The following INTS13 variants were observed in gnomAD, a reference collection of about 807,000 sequenced individuals.
INTS13 encodes integrator complex subunit 13, also known as asunder, spermatogenesis regulator homolog (Drosphila).
Under a neutral mutation model 90.2 loss-of-function variants are expected in INTS13, and 35 were observed. The observed-to-expected ratio is 0.39, with a 90% CI of 0.30 to 0.51. The LOEUF (loss-of-function observed/expected upper bound fraction) is 0.51, where lower values mean the gene tolerates loss of function less well. Ranked by LOEUF, INTS13 falls within the 20% of genes least tolerant of loss-of-function variation. The pLI is 0.80. For synonymous variants in INTS13, 309 were observed against 277.1 expected (o/e 1.11, Z -1.14); for missense variants, 601 against 851.2 (o/e 0.71, Z 3.66).
intron 16 of INTS13, among the ~76,000 whole-genome samples, 197 bp downstream of exon 16, chr12:26,906,105 T>G (rs1951599947): frequency 6.6e-6 from 1 of 152,164 alleles, no homozygotes; most frequent in Non-Finnish European, 1.5e-5. Context: ...GAGTAAATAC[T>G]TTCAGGGTTA....
intron 8 of INTS13, among the ~76,000 whole-genome samples, chr12:26,919,945 G>A (rs1042518690): frequency 1.7e-4 from 26 of 152,144 alleles, no homozygotes; most frequent in Non-Finnish European, 2.6e-4. Flanking sequence ...TGGCTAACAC[G>A]GTGAAACCCC....
upstream of INTS13, chr12:26,937,993 G>C (rs1451437725): frequency 6.9e-6 from 1 of 144,998 alleles, no homozygotes; most frequent in Non-Finnish European, 1.5e-5. Context: ...GCGCGCGTGC[G>C]CGTGCACACA....
intron 8 of INTS13, among the ~76,000 whole-genome samples, chr12:26,920,691 C>A (rs1952091715): frequency 6.6e-6 from 1 of 152,088 alleles, no homozygotes; most frequent in East Asian, 1.9e-4. Flanking sequence ...CTGCGCCTGG[C>A]CCATTTTTGT....
chr12:26,927,672 G>A (rs1352927308), intron 5 of INTS13, among the ~76,000 whole-genome samples: 2 of 152,034 alleles, frequency 1.3e-5, no homozygotes, highest in South Asian at 2.1e-4. Flanking sequence ...CTGGAGTGTA[G>A]TGGCACAGTC....
chr12:26,931,139 T>TAAA (rs201302152), intron 3 of INTS13, among the ~76,000 whole-genome samples: 1 of 145,008 alleles, frequency 6.9e-6, no homozygotes, highest in Non-Finnish European at 1.5e-5. Flanking sequence ...AAAATTAAAT[T>TAAA]AAAAAAAAAA....
chr12:26,928,068 T>G, intron 5 of INTS13, 137 bp downstream of exon 5: 1 of 531,516 alleles, frequency 1.9e-6, no homozygotes, highest in Non-Finnish European at 3.2e-6. Context: ...AAGTTTCTGA[T>G]CAAACATACA....
intron 14 of INTS13, among the ~76,000 whole-genome samples, chr12:26,911,532 T>A (rs1951774582): frequency 6.6e-6 from 1 of 151,982 alleles, no homozygotes; most frequent in South Asian, 2.1e-4. Flanking sequence ...AATAATGCAA[T>A]GATTCAGGAA....
intron 15 of INTS13, among the ~76,000 whole-genome samples, chr12:26,910,703 T>C (rs558995727): frequency 6.6e-6 from 1 of 152,312 alleles, no homozygotes; most frequent in East Asian, 1.9e-4. Context: ...TTTATCTTTA[T>C]TAGCAGCATA....
At position 26,931,522 on chromosome 12, in the gene INTS13, C is replaced by T. The variant is rs912879930; in HGVS notation, c.301-2617G>A. Among the ~76,000 whole-genome samples the T allele has an allele frequency of 1.1e-4, 16 of 152,136 alleles. No homozygotes were observed. The South Asian group carries it at 1.7e-3, about 16-fold the overall frequency. The stretch of plus-strand genomic sequence containing the variant: ...TGGGATTGTTACCACTGCATAGCAC[C>T]CGTTAACAAAAAAATTTTGGCATTA... On this transcript the variant is annotated intron_variant, in intron 3 of 16. Coordinates refer to ENST00000261191, the MANE Select transcript of INTS13 (RefSeq NM_018164.3).
intron 12 of INTS13, 130 bp from the exon 13 acceptor site, chr12:26,914,258 C>G (rs957897534): frequency 5.9e-6 from 7 of 1,185,932 alleles, no homozygotes; most frequent in African/African-American, 1.6e-5. Context: ...ACTATCACTT[C>G]AATTTTTAAT....
intron 3 of INTS13, 68 bp downstream of exon 3, chr12:26,934,488 A>AT (rs1307779049): frequency 3.4e-6 from 4 of 1,189,206 alleles, no homozygotes; most frequent in Non-Finnish European, 4.9e-6. Flanking sequence ...AAAATTAGTC[A>AT]TTTTTTTAAA....
At chr12:26,924,693 C>T (rs1236371694) in intron 6 of INTS13, among the ~76,000 whole-genome samples, 1 of 152,154 alleles carries the variant, frequency 6.6e-6, no homozygotes, top group Non-Finnish European at 1.5e-5. Context: ...AATCAGTTTG[C>T]TAGATACCAG....
intron 14 of INTS13, 75 bp from the exon 15 acceptor site, chr12:26,911,392 T>C: frequency 2.3e-6 from 3 of 1,295,206 alleles, no homozygotes; most frequent in Non-Finnish European, 3.2e-6. Flanking sequence ...TAAACTAACT[T>C]TGCATATCAA....
At chr12:26,932,532 A>C (rs1033686492) in intron 3 of INTS13, among the ~76,000 whole-genome samples, 3 of 152,244 alleles carry the variant, frequency 2.0e-5, no homozygotes, top group African/African-American at 7.2e-5. Flanking sequence ...TCAAATATGG[A>C]TACCAAAAGC....
intron 8 of INTS13, among the ~76,000 whole-genome samples, chr12:26,921,722 C>G (rs1410507111): frequency 6.6e-6 from 1 of 152,210 alleles, no homozygotes; most frequent in African/African-American, 2.4e-5. Context: ...GTGGCATGAT[C>G]TCAGCTCACT....
At chr12:26,924,148 ATTAT>A (rs1006948460) in intron 7 of INTS13, among the ~76,000 whole-genome samples, 12 of 152,238 alleles carry the variant, frequency 7.9e-5, no homozygotes, top group Admixed American at 6.5e-4. Context: ...ATGTCCAACA[ATTAT>A]TTATTTATTT....
At chr12:26,924,112 A>G (rs1291017572) in intron 7 of INTS13, among the ~76,000 whole-genome samples, 1 of 152,148 alleles carries the variant, frequency 6.6e-6, no homozygotes, top group African/African-American at 2.4e-5. Context: ...GAGAAAAGGT[A>G]AAGGTTCAAT....
chr12:26,924,332 T>C (rs754613564), intron 7 of INTS13, 23 bp downstream of exon 7: 34 of 1,608,442 alleles, frequency 2.1e-5, no homozygotes, highest in African/African-American at 2.7e-5. Context: ...GCTTTCAAAA[T>C]AGCAGGAAAA....
chr12:26,918,203 G>A (rs1370940915), intron 8 of INTS13, among the ~76,000 whole-genome samples: 2 of 152,000 alleles, frequency 1.3e-5, no homozygotes, highest in African/African-American at 2.4e-5. Context: ...CCGGAACTCT[G>A]TACTGTCTTC....
Sources: gnomAD v4.1 joint callset for allele counts (sites outside exome capture counted in the v4.1 genomes callset) on GRCh38, gnomAD v4.1.1 for gene constraint, MANE v1.5 for transcripts, NCBI Gene and HGNC (gene_info 2026-07-23, HGNC 2026-07-21) for gene names.